SLC35E3: variants seen among roughly 807,000 people sequenced by gnomAD.
The protein encoded by SLC35E3 is bladder cancer-overexpressed gene 1 protein.
A neutral mutation model predicts 30.8 loss-of-function variants in SLC35E3; 28 were observed. The ratio of observed to expected loss-of-function variants is 0.91; its 90% CI spans 0.67 to 1.25. The LOEUF (loss-of-function observed/expected upper bound fraction) is 1.25, where lower values mean the gene tolerates loss of function less well. Ranked by LOEUF, SLC35E3 falls within the 50% of genes most tolerant of loss-of-function variation. The pLI, the probability that SLC35E3 is intolerant of heterozygous loss-of-function variation, is 0.00. For synonymous variants in SLC35E3, 146 were observed against 149.2 expected, an observed-to-expected ratio of 0.98 and a Z score of 0.16; for missense variants, 365 against 375.4, an observed-to-expected ratio of 0.97 and a Z score of 0.23.
chr12:68,772,296 C>G lies in SLC35E3; in HGVS notation c.*7406C>G, dbSNP rs1303872674. On this transcript the variant is annotated 3_prime_UTR_variant, in exon 5 of 5. Transcript: ENST00000398004. ...CAGGTACTCCGCCCACCTCAGCCTC[C>G]CAAAGTGCTGGGATTACAGGTGTGA... is the stretch of plus-strand genomic sequence containing the variant. 6.6e-6 allele frequency: 1 copy of G among 152,134 alleles called. No homozygotes were observed. The highest frequency in any genetic ancestry group is 1.5e-5 in the Non-Finnish European group (1 of 68,026). The allele number at this position is 152,134 out of a possible 1,614,324, so 9.4% of individuals were successfully genotyped here.
chr12:68,758,252 C>T (rs1166341485), intron 3 of SLC35E3, among the ~76,000 whole-genome samples: 1 of 151,718 alleles, frequency 6.6e-6, no homozygotes, highest in South Asian at 2.1e-4. Flanking sequence ...AAACCCATCT[C>T]TACTAAAAAT....
intron 4 of SLC35E3, 73 bp downstream of exon 4, chr12:68,759,312 T>C (rs1879160480): frequency 1.9e-6 from 2 of 1,078,326 alleles, no homozygotes; most frequent in African/African-American, 1.6e-5. Context: ...ATTACCTTAT[T>C]TGAATCTCAC....
At chr12:68,753,104 C>CT (rs1878864662) in intron 3 of SLC35E3, among the ~76,000 whole-genome samples, 2 of 145,722 alleles carry the variant, frequency 1.4e-5, no homozygotes, top group Non-Finnish European at 3.0e-5. Flanking sequence ...TGGGATCACA[C>CT]CTGTCTCAAA....
In SLC35E3 at chr12:68,765,186, G is replaced by T. The variant is rs945382424; in HGVS notation, c.*296G>T. 9.5e-5 allele frequency: 18 copies of T among 189,490 alleles called. No individual in the cohort carries two copies. The highest frequency in any genetic ancestry group is 3.3e-4 in the African/African-American group (14 of 42,576). The allele number at this position is 189,490 out of a possible 1,614,324, so 11.7% of individuals were successfully genotyped here. A position where few individuals can be genotyped will look rare whatever the true frequency, so the allele number is the denominator to read the frequency against. ...CAGGAGAATCACTTGAACCCGGGAG[G>T]CGGCGGTTGCAGTGAGCCGAGATCG... is the stretch of plus-strand genomic sequence containing the variant. On this transcript the variant is annotated 3_prime_UTR_variant, in exon 5 of 5. Transcript: ENST00000398004.
In SLC35E3 at chr12:68,769,309, A is replaced by G. The variant is rs1228451141; in HGVS notation, c.*4419A>G. On this transcript the variant is annotated 3_prime_UTR_variant, in exon 5 of 5. Coordinates refer to ENST00000398004, the MANE Select transcript of SLC35E3 (RefSeq NM_018656.5). ...CACTCTGTATTCACTCCGTCAGTAAATACTGTCGGGTGAATGACTGCAGAA... is the reference window on the plus strand; with the variant it reads ...CACTCTGTATTCACTCCGTCAGTAAGTACTGTCGGGTGAATGACTGCAGAA... The G allele has an allele frequency of 6.6e-6, 1 of 151,894 alleles. No individual in the cohort carries two copies. Among genetic ancestry groups the G allele is most frequent in the Non-Finnish European group, 1.5e-5 (1 of 68,018 alleles). The allele number at this position is 151,894 out of a possible 1,614,324, so 9.4% of individuals were successfully genotyped here. A position where few individuals can be genotyped will look rare whatever the true frequency, so the allele number is the denominator to read the frequency against.
chr12:68,777,149 A>AT lies in SLC35E3; in HGVS notation c.*12260dup, dbSNP rs1879767229. The AT allele has an allele frequency of 6.6e-6, 1 of 152,190 alleles. No individual in the cohort carries two copies. The highest frequency in any genetic ancestry group is 1.5e-5 in the Non-Finnish European group (1 of 68,032). The allele number at this position is 152,190 out of a possible 1,614,324, so 9.4% of individuals were successfully genotyped here. A position where few individuals can be genotyped will look rare whatever the true frequency, so the allele number is the denominator to read the frequency against. On this transcript the variant is annotated 3_prime_UTR_variant, in exon 5 of 5. Transcript: ENST00000398004. ...GCAGATCTAGGAAAAACTCACTCTAATAACGTTCCAGGAATTTCCTAAGAC... is the reference window on the plus strand; with the variant it reads ...GCAGATCTAGGAAAAACTCACTCTAATTAACGTTCCAGGAATTTCCTAAGAC...
In SLC35E3 at chr12:68,770,980, A is replaced by G. The variant is rs1329785968; in HGVS notation, c.*6090A>G. On this transcript the variant is annotated 3_prime_UTR_variant, in exon 5 of 5. Transcript: ENST00000398004. ...GGCCTTCTTGATACTGAGATATCCA[A>G]TTAAAGATGTTGGCCAGGCATGGTG... The G allele has an allele frequency of 1.8e-5, 3 of 164,190 alleles. No individual in the cohort carries two copies. Among genetic ancestry groups the G allele is most frequent in the Non-Finnish European group, 4.0e-5 (3 of 75,254 alleles). The allele number at this position is 164,190 out of a possible 1,614,324, so 10.2% of individuals were successfully genotyped here. A position where few individuals can be genotyped will look rare whatever the true frequency, so the allele number is the denominator to read the frequency against.
chr12:68,774,731 C>G lies in SLC35E3; in HGVS notation c.*9841C>G, dbSNP rs1306315448. ...ATATGCTGGGCAACAGAGGGAGACC[C>G]TGTCTCAAAAACAAACAAAACAAAC... is the stretch of plus-strand genomic sequence containing the variant. On this transcript the variant is annotated 3_prime_UTR_variant, in exon 5 of 5. Coordinates refer to ENST00000398004, the MANE Select transcript of SLC35E3 (RefSeq NM_018656.5). 1 of 140,318 alleles carries G rather than the reference C, an allele frequency of 7.1e-6. No homozygotes were observed. Among genetic ancestry groups the G allele is most frequent in the East Asian group, 2.1e-4 (1 of 4,812 alleles). The allele number at this position is 140,318 out of a possible 1,614,324, so 8.7% of individuals were successfully genotyped here. A position where few individuals can be genotyped will look rare whatever the true frequency, so the allele number is the denominator to read the frequency against.
intron 3 of SLC35E3, among the ~76,000 whole-genome samples, chr12:68,758,131 A>T (rs140904901): frequency 1.2e-4 from 18 of 148,690 alleles, no homozygotes; most frequent in Non-Finnish European, 2.5e-4. Context: ...TTTAATAGAA[A>T]AAGATCTCGG....
chr12:68,761,102 C>T lies in SLC35E3; in HGVS notation c.755+1863C>T, dbSNP rs181545867. 4.0e-3 allele frequency among the ~76,000 whole-genome samples: 615 copies of T among 152,278 alleles called. 4 individuals carry two copies. The highest frequency in any genetic ancestry group is 6.7e-3 in the Non-Finnish European group (456 of 68,030). ...ACCAAGGAAGCCTGTGTGGTTAGAG[C>T]AGGTTGAGCAAAGGAGGGAATGTGG... On this transcript the variant is annotated intron_variant, in intron 4 of 4. Coordinates refer to ENST00000398004, the MANE Select transcript of SLC35E3 (RefSeq NM_018656.5).
intron 4 of SLC35E3, among the ~76,000 whole-genome samples, chr12:68,761,750 A>C (rs1464736189): frequency 6.6e-6 from 1 of 152,214 alleles, no homozygotes; most frequent in African/African-American, 2.4e-5. Flanking sequence ...CAGTGGATAT[A>C]GTAAGAAGTG....
intron 2 of SLC35E3, among the ~76,000 whole-genome samples, chr12:68,750,069 G>A (rs759776761): frequency 1.4e-4 from 22 of 152,130 alleles, no homozygotes; most frequent in Non-Finnish European, 2.1e-4. Context: ...GGGCTAGGGC[G>A]GTGGGAATGG....
intron 4 of SLC35E3, among the ~76,000 whole-genome samples, chr12:68,763,146 C>G (rs938518369): frequency 1.3e-5 from 2 of 152,144 alleles, no homozygotes; most frequent in African/African-American, 4.8e-5. Context: ...ACATATGGTG[C>G]TTACTATATG....
chr12:68,758,618 T>C (rs1488177769), intron 3 of SLC35E3, among the ~76,000 whole-genome samples: 1 of 152,094 alleles, frequency 6.6e-6, no homozygotes, highest in Admixed American at 6.6e-5. Flanking sequence ...AAGGATGTTA[T>C]TGCAGTATTT....
Position 68,780,315 on chromosome 12 carries a change from T to C in SLC35E3, c.*15425T>C, listed in dbSNP as rs6581835. 0.16 allele frequency: 24,557 copies of C among 151,680 alleles called. 2,334 individuals carry two copies. The highest frequency in any genetic ancestry group is 0.27 in the Middle Eastern group (79 of 292). 9.4% of individuals were successfully genotyped at this position (151,680 alleles called of 1,614,324 possible). ...TCCCAAGTAGCTGGGACTACAGGCA[T>C]GCACCACCACACCTGGCTAATTTTT... On this transcript the variant is annotated 3_prime_UTR_variant, in exon 5 of 5. Transcript: ENST00000398004.
chr12:68,757,987 G>C (rs539180496), intron 3 of SLC35E3, among the ~76,000 whole-genome samples: 1 of 152,082 alleles, frequency 6.6e-6, no homozygotes, highest in South Asian at 2.1e-4. Context: ...AGCTACTGGG[G>C]AGGCTGAGGC....
At position 68,765,027 on chromosome 12, in the gene SLC35E3, CCA is replaced by C; in HGVS notation, c.*138_*139del. The C allele has an allele frequency of 1.4e-6, 1 of 696,492 alleles. No homozygotes were observed. Among genetic ancestry groups the C allele is most frequent in the Non-Finnish European group, 2.3e-6 (1 of 436,884 alleles). The allele number at this position is 696,492 out of a possible 1,614,324, so 43.1% of individuals were successfully genotyped here. A position where few individuals can be genotyped will look rare whatever the true frequency, so the allele number is the denominator to read the frequency against. On this transcript the variant is annotated 3_prime_UTR_variant, in exon 5 of 5. Transcript: ENST00000398004. ...ATCCCAGCACTTTGGGAGGCCAAGG[CCA>C]GCGGATCACTTGAGGTCAGGAGTTC...
chr12:68,750,048 A>G (rs1878733260), intron 2 of SLC35E3, among the ~76,000 whole-genome samples: 2 of 152,194 alleles, frequency 1.3e-5, no homozygotes, highest in African/African-American at 4.8e-5. Context: ...CAGGACAGGC[A>G]GGAAGGGCCT....
At position 68,777,168 on chromosome 12, in the gene SLC35E3, C is replaced by G. The variant is rs2136088574; in HGVS notation, c.*12278C>G. 1 of 152,248 alleles carries G rather than the reference C, an allele frequency of 6.6e-6. No individual in the cohort carries two copies. The highest frequency in any genetic ancestry group is 6.5e-5 in the Admixed American group (1 of 15,300). The allele number at this position is 152,248 out of a possible 1,614,324, so 9.4% of individuals were successfully genotyped here. On this transcript the variant is annotated 3_prime_UTR_variant, in exon 5 of 5. Transcript: ENST00000398004. ...ACTCTAATAACGTTCCAGGAATTTC[C>G]TAAGACCATAGTGGGAGACAGCTGC... is the stretch of plus-strand genomic sequence containing the variant.
Sources: gnomAD v4.1 joint callset for allele counts (sites outside exome capture counted in the v4.1 genomes callset) on GRCh38, gnomAD v4.1.1 for gene constraint, MANE v1.5 for transcripts, NCBI Gene and HGNC (gene_info 2026-07-23, HGNC 2026-07-21) for gene names.